GGT1: variants seen among roughly 807,000 people sequenced by gnomAD.
GGT1 encodes the protein gamma-glutamyltransferase 1.
GGT1 carries 21 observed loss-of-function variants against 56.0 expected under a neutral mutation model. The observed-to-expected ratio is 0.38, with a 90% CI of 0.27 to 0.54. GGT1 has a LOEUF of 0.54. Ranked by LOEUF, GGT1 falls within the 20% of genes least tolerant of loss-of-function variation. The probability of loss-of-function intolerance (pLI) is 0.82; values close to 1 mark genes in which losing one functional copy is unlikely to be tolerated. For missense variants in GGT1, 466 were observed against 787.0 expected (o/e 0.59, Z 4.88); for synonymous variants, 238 against 342.6 (o/e 0.69, Z 3.37).
In GGT1 at chr22:24,623,368, C is replaced by T. The variant is rs2047547887; in HGVS notation, c.883+112C>T. On this transcript the variant is annotated intron_variant, in intron 10 of 15. Transcript: ENST00000400382. ...CCCCCCATGCCACGTCTTTCCATCA[C>T]TGAGCTCCCGAGGTGTGTCCCTGCG... The T allele has an allele frequency of 3.1e-6, 4 of 1,299,992 alleles. No individual in the cohort carries two copies. In the East Asian group the frequency reaches 1.0e-4, roughly 33 times the overall value. The allele number at this position is 1,299,992 out of a possible 1,614,324, so 80.5% of individuals were successfully genotyped here.
chr22:24,585,858 A>C, the GGT1 span: 9 of 1,538,746 alleles, frequency 5.8e-6, no homozygotes, highest in Non-Finnish European at 7.9e-6. Context: ...ATCACAAGTC[A>C]GTAGCAATGA....
At chr22:24,617,896 CG>C (rs1281594122) in intron 7 of GGT1, among the ~76,000 whole-genome samples, 1 of 151,398 alleles carries the variant, frequency 6.6e-6, no homozygotes, top group African/African-American at 2.4e-5. Context: ...GGATGGCAGG[CG>C]GGGGAGACTC....
chr22:24,623,087 G>C lies in GGT1; in HGVS notation c.734-20G>C. ...TGCAGCCCCATCCCAGCACCCATTT[G>C]AGCTGCTGTCCCATTGCAGGGGGCA... On this transcript the variant is annotated intron_variant, in intron 9 of 15. Transcript: ENST00000400382. The C allele has an allele frequency of 6.2e-7, 1 of 1,611,860 alleles. No individual in the cohort carries two copies. Among genetic ancestry groups the C allele is most frequent in the Non-Finnish European group, 8.5e-7 (1 of 1,179,806 alleles).
the GGT1 span, chr22:24,589,636 G>T: frequency 2.9e-6 from 2 of 690,678 alleles, no homozygotes; most frequent in Non-Finnish European, 2.3e-6. Flanking sequence ...GCTCACACTT[G>T]CTCTAGCTGG....
At chr22:24,588,097 G>A in the GGT1 span, 1 of 792,410 alleles carries the variant, frequency 1.3e-6, no homozygotes, top group East Asian at 2.6e-5. Flanking sequence ...TGCGGACCAG[G>A]TGAGGGCCTC....
upstream of GGT1, chr22:24,593,173 C>T (rs2045626197): frequency 1.1e-6 from 1 of 916,154 alleles, no homozygotes; most frequent in African/African-American, 1.8e-5. Context: ...GAGCGCCCGC[C>T]CCACCCCGCG....
rs1371712759 is a variant in GGT1, at chr22:24,623,885, T to C, written c.989T>C (p.Leu330Pro). The change falls in exon 11 of 16, where the codon CTT becomes CCT. Residue 330 changes from leucine to proline, a missense_variant. Leu to Pro is a moderately conservative substitution (Grantham distance 98). This residue lies in a region of GGT1 where 456 missense variants were observed against 716.7 expected (regional missense o/e 0.64). Coordinates refer to ENST00000400382, the MANE Select transcript of GGT1 (RefSeq NM_001288833.2). Reference sequence around the variant, plus strand: ...TTTGCCTACGCCAAGAGGACCCTGCTTGGGGACCCCAAGTTTGTGGATGTG... The same window carrying C: ...TTTGCCTACGCCAAGAGGACCCTGCCTGGGGACCCCAAGTTTGTGGATGTG... ...FRFAYAKRTL[L>P]GDPKFVDVTE... 1.9e-6 allele frequency: 3 copies of C among 1,611,604 alleles called. No individual in the cohort carries two copies. Among genetic ancestry groups the C allele is most frequent in the Non-Finnish European group, 2.5e-6 (3 of 1,179,696 alleles).
the GGT1 span, chr22:24,588,425 A>T: frequency 1.0e-6 from 1 of 967,996 alleles, no homozygotes; most frequent in Non-Finnish European, 1.6e-6. Context: ...TGTGTGTGTG[A>T]GCACAGTCAT....
chr22:24,585,903 C>T, the GGT1 span: 1 of 1,595,136 alleles, frequency 6.3e-7, no homozygotes. Context: ...GCACAGCAGG[C>T]CTGGGGCTCG....
chr22:24,605,331 TATA>T (rs2046072331), intron 1 of GGT1, among the ~76,000 whole-genome samples: 1 of 61,094 alleles, frequency 1.6e-5, no homozygotes, highest in Non-Finnish European at 2.6e-5. Context: ...TTATATATTA[TATA>T]ATATGTATTA....
intron 2 of GGT1, 78 bp downstream of exon 2, chr22:24,608,101 G>C (rs928261359): frequency 4.5e-6 from 2 of 445,738 alleles, no homozygotes; most frequent in Non-Finnish European, 9.3e-6. Context: ...TCTAGCCTCA[G>C]TTTCCCCTAG....
chr22:24,588,424 G>T, the GGT1 span: 6 of 978,950 alleles, frequency 6.1e-6, no homozygotes, highest in Non-Finnish European at 7.9e-6. Context: ...GTGTGTGTGT[G>T]AGCACAGTCA....
At chr22:24,588,540 C>A in the GGT1 span, 11 of 752,984 alleles carry the variant, frequency 1.5e-5, no homozygotes, top group Non-Finnish European at 2.3e-5. Context: ...GGGAGCTGGA[C>A]AGGCTGGTCC....
chr22:24,618,236 G>C (rs2047191869), intron 7 of GGT1, among the ~76,000 whole-genome samples: 1 of 152,108 alleles, frequency 6.6e-6, no homozygotes, highest in Non-Finnish European at 1.5e-5. Flanking sequence ...TCGTTACTTT[G>C]AAATATACAA....
At chr22:24,585,128 G>A in the GGT1 span, among the ~76,000 whole-genome samples, 5 of 152,134 alleles carry the variant, frequency 3.3e-5, no homozygotes, top group African/African-American at 7.2e-5. Flanking sequence ...GCTGCCCCTC[G>A]CCAAGTACAA....
At chr22:24,586,317 G>A in the GGT1 span, 8 of 1,613,990 alleles carry the variant, frequency 5.0e-6, no homozygotes, top group Admixed American at 5.0e-5. Context: ...CTCAGGTAGC[G>A]TGTGATGTGT....
chr22:24,603,850 TTC>T (rs1295285189), intron 1 of GGT1, among the ~76,000 whole-genome samples: 1 of 151,492 alleles, frequency 6.6e-6, no homozygotes, highest in Admixed American at 6.6e-5. Context: ...CGCTCCTGGG[TTC>T]TGTTTGTGGC....
chr22:24,589,885 G>A (rs150007743), upstream of GGT1: 8,347 of 1,613,782 alleles, frequency 5.2e-3, 32 homozygotes, highest in Non-Finnish European at 6.2e-3. Context: ...GGGGTCGACC[G>A]GGTTGAGGAA....
chr22:24,588,106 T>C, the GGT1 span: 2 of 869,368 alleles, frequency 2.3e-6, no homozygotes, highest in Non-Finnish European at 3.7e-6. Flanking sequence ...GGTGAGGGCC[T>C]CACCAGGTGG....
Sources: allele counts gnomAD v4.1 joint callset (sites outside exome capture counted in the v4.1 genomes callset), GRCh38; gene constraint gnomAD v4.1.1; regional missense constraint gnomAD v4.1.1; transcripts MANE v1.5; gene names NCBI Gene and HGNC (gene_info 2026-07-23, HGNC 2026-07-21).